CXCR4: variants seen among roughly 807,000 people sequenced by gnomAD.
The protein encoded by CXCR4 is C-X-C motif chemokine receptor 4.
In CXCR4, 6 loss-of-function variants were observed where a neutral mutation model predicts 22.4. The observed-to-expected ratio is 0.27, with a 90% CI of 0.15 to 0.53. CXCR4 has a LOEUF of 0.53. Among genes scored for constraint, CXCR4 ranks in the 20% least tolerant of loss-of-function variants. The pLI is 0.96. For synonymous variants in CXCR4, 155 were observed against 171.7 expected (o/e 0.90, Z 0.76); for missense variants, 300 against 430.4 (o/e 0.70, Z 2.68).
chr2:136,117,212 G>A (rs538054863), intron 1 of CXCR4, among the ~76,000 whole-genome samples: 16 of 152,136 alleles, frequency 1.1e-4, no homozygotes, highest in Middle Eastern at 3.4e-3. Flanking sequence ...TCCTATCCCC[G>A]GAGCGCAAAT....
chr2:136,117,994 T>G, intron 1 of CXCR4, 52 bp downstream of exon 1: 1 of 1,598,536 alleles, frequency 6.3e-7, no homozygotes, highest in Non-Finnish European at 8.6e-7. Context: ...GGCTGCGCTC[T>G]AAGTTCAAAC....
Position 136,115,154 on chromosome 2 carries a change from C to G in CXCR4, c.774G>C (p.Gly258=). Residue 258 remains glycine, a synonymous_variant, in exon 2 of 2, where the codon GGG becomes GGC. Coordinates refer to ENST00000241393, the MANE Select transcript of CXCR4 (RefSeq NM_003467.3). This position sits in a 1 kb window ranked among gnomAD's most constrained non-coding sequence, Gnocchi z 6.4. ...GGAGGATGAAGGAGTCGATGCTGATCCCAATGTAGTAAGGCAGCCAACAGG... is the reference window on the plus strand; with the variant it reads ...GGAGGATGAAGGAGTCGATGCTGATGCCAATGTAGTAAGGCAGCCAACAGG... ...FFACWLPYYI[G]ISIDSFILLE... is the part of the protein sequence containing the mutation. The G allele has an allele frequency of 6.2e-7, 1 of 1,614,160 alleles. No homozygotes were observed. Among genetic ancestry groups the G allele is most frequent in the Non-Finnish European group, 8.5e-7 (1 of 1,180,040 alleles).
chr2:136,116,310 T>C, intron 1 of CXCR4: 1 of 965,720 alleles, frequency 1.0e-6, no homozygotes, highest in Non-Finnish European at 1.3e-6. Context: ...GGGGGTGGGG[T>C]GGGTGCTGCT....
At chr2:136,117,941 G>A (rs1368779170) in intron 1 of CXCR4, 105 bp downstream of exon 1, 47 of 953,130 alleles carry the variant, frequency 4.9e-5, no homozygotes, top group African/African-American at 3.4e-4. Flanking sequence ...TTTGGAGTAC[G>A]GGTACCTCCA....
Position 136,114,777 on chromosome 2 carries a change from C to T in CXCR4, c.*92G>A. 8.8e-7 allele frequency: 1 copy of T among 1,131,934 alleles called. No homozygotes were observed. The highest frequency in any genetic ancestry group is 1.6e-5 in the African/African-American group (1 of 63,272). The allele number at this position is 1,131,934 out of a possible 1,614,324, so 70.1% of individuals were successfully genotyped here. The stretch of plus-strand genomic sequence containing the variant: ...ACAAAAATCCAACAAGCAATAAAAA[C>T]TGTACAATATTGGTCAGTCTTTTAT... On this transcript the variant is annotated 3_prime_UTR_variant, in exon 2 of 2. Coordinates refer to ENST00000241393, the MANE Select transcript of CXCR4 (RefSeq NM_003467.3).
chr2:136,117,935 G>C, intron 1 of CXCR4, 111 bp downstream of exon 1: 2 of 756,560 alleles, frequency 2.6e-6, no homozygotes, highest in Middle Eastern at 3.2e-4. Context: ...CCCTTTTTTG[G>C]AGTACGGGTA....
intron 1 of CXCR4, chr2:136,116,257 G>A: frequency 2.7e-6 from 3 of 1,095,394 alleles, no homozygotes; most frequent in South Asian, 4.4e-5. Context: ...TCCTTAGGAG[G>A]AAAAAAAAAA....
chr2:136,115,521 AGGTAGC>A lies in CXCR4; in HGVS notation c.401_406del (p.Arg134_Tyr135del). ...ACTGTTGGTGGCGTGGACGATGGCC[AGGTAGC>A]GGTCCAGACTGATGAAGGCCAGGAT... On this transcript the variant is annotated inframe_deletion, in exon 2 of 2. Coordinates refer to ENST00000241393, the MANE Select transcript of CXCR4 (RefSeq NM_003467.3). The surrounding 1 kb of genome is among the most constrained non-coding windows in gnomAD (Gnocchi z 6.4). The A allele has an allele frequency of 1.2e-6, 2 of 1,614,194 alleles. No homozygotes were observed. The highest frequency in any genetic ancestry group is 1.7e-6 in the Non-Finnish European group (2 of 1,180,022).
Position 136,114,738 on chromosome 2 carries a change from TA to T in CXCR4, c.*130del. 2.4e-6 allele frequency: 2 copies of T among 845,220 alleles called. No individual in the cohort carries two copies. Among genetic ancestry groups the T allele is most frequent in the Non-Finnish European group, 3.6e-6 (2 of 552,024 alleles). The allele number at this position is 845,220 out of a possible 1,614,324, so 52.4% of individuals were successfully genotyped here. On this transcript the variant is annotated 3_prime_UTR_variant, in exon 2 of 2. Coordinates refer to ENST00000241393, the MANE Select transcript of CXCR4 (RefSeq NM_003467.3). Reference sequence around the variant, plus strand: ...TAAGTCAATTAAACTTCACAAAAACTAAAGAAACACAAGACAAAAATCCAAC... The same window carrying T: ...TAAGTCAATTAAACTTCACAAAAACTAAGAAACACAAGACAAAAATCCAAC...
chr2:136,115,424 A>T lies in CXCR4; in HGVS notation c.504T>A (p.Thr168=), dbSNP rs2104917313. ...CGTTGGCAAAGATGAAGTCGGGAAT[A>T]GTCAGCAGGAGGGCAGGGATCCAGA... ...VGVWIPALLL[T]IPDFIFANVS... is the part of the protein sequence containing the mutation. Residue 168 remains threonine, a synonymous_variant, in exon 2 of 2, where the codon ACT becomes ACA. Coordinates refer to ENST00000241393, the MANE Select transcript of CXCR4 (RefSeq NM_003467.3). The surrounding 1 kb of genome is among the most constrained non-coding windows in gnomAD (Gnocchi z 6.4). The T allele has an allele frequency of 6.2e-7, 1 of 1,614,224 alleles. No homozygotes were observed. The highest frequency in any genetic ancestry group is 8.5e-7 in the Non-Finnish European group (1 of 1,180,034).
Position 136,115,936 on chromosome 2 carries a change from A to ACATTCACTTCC in CXCR4, c.16-35_16-25dup, listed in dbSNP as rs1186182929. On this transcript the variant is annotated intron_variant, in intron 1 of 1. Coordinates refer to ENST00000241393, the MANE Select transcript of CXCR4 (RefSeq NM_003467.3). This position sits in a 1 kb window ranked among gnomAD's most constrained non-coding sequence, Gnocchi z 6.4. Reference sequence around the variant, plus strand: ...ATCTGCAAAAGAGGCAAAGGAATGGACATTCACTTCCAATTCAGCAAGCAT... The same window carrying ACATTCACTTCC: ...ATCTGCAAAAGAGGCAAAGGAATGGACATTCACTTCCCATTCACTTCCAATTCAGCAAGCAT... The ACATTCACTTCC allele has an allele frequency of 6.2e-7, 1 of 1,614,068 alleles. No homozygotes were observed. Among genetic ancestry groups the ACATTCACTTCC allele is most frequent in the African/African-American group, 1.3e-5 (1 of 74,928 alleles).
In CXCR4 at chr2:136,115,529, G is replaced by A. The variant is rs1684861118; in HGVS notation, c.399C>T (p.Asp133=). 2 of 1,614,018 alleles carry A rather than the reference G, an allele frequency of 1.2e-6. No homozygotes were observed. Among genetic ancestry groups the A allele is most frequent in the African/African-American group, 1.3e-5 (1 of 74,912 alleles). ...SVLILAFISL[D]RYLAIVHATN... ...TGGCGTGGACGATGGCCAGGTAGCG[G>A]TCCAGACTGATGAAGGCCAGGATGA... The change falls in exon 2 of 2, where the codon GAC becomes GAT. Residue 133 remains aspartate (D), a synonymous_variant. Transcript: ENST00000241393. This position sits in a 1 kb window ranked among gnomAD's most constrained non-coding sequence, Gnocchi z 6.4.
At position 136,115,653 on chromosome 2, in the gene CXCR4, G is replaced by A. The variant is rs2104918005; in HGVS notation, c.275C>T (p.Pro92Leu). The A allele has an allele frequency of 6.2e-7, 1 of 1,614,222 alleles. No homozygotes were observed. The highest frequency in any genetic ancestry group is 8.5e-7 in the Non-Finnish European group (1 of 1,180,042). Residue 92 changes from proline to leucine, a missense_variant, in exon 2 of 2, where the codon CCC (proline) becomes CTC (leucine). This residue lies in a region of CXCR4 where 118 missense variants were observed against 188.2 expected (regional missense o/e 0.63). Transcript: ENST00000241393. This position sits in a 1 kb window ranked among gnomAD's most constrained non-coding sequence, Gnocchi z 6.4. ...VADLLFVITL[P>L]FWAVDAVANW... ...TGCCACGGCATCAACTGCCCAGAAG[G>A]GAAGCGTGATGACAAAGAGGAGGTC...
Position 136,115,527 on chromosome 2 carries a change from C to T in CXCR4, c.401G>A (p.Arg134His). 1 of 1,613,996 alleles carries T rather than the reference C, an allele frequency of 6.2e-7. No individual in the cohort carries two copies. The highest frequency in any genetic ancestry group is 8.5e-7 in the Non-Finnish European group (1 of 1,179,982). The stretch of plus-strand genomic sequence containing the variant: ...GGTGGCGTGGACGATGGCCAGGTAG[C>T]GGTCCAGACTGATGAAGGCCAGGAT... ...VLILAFISLD[R>H]YLAIVHATNS... Residue 134 changes from arginine (R) to histidine (H), a missense_variant, in exon 2 of 2, where the codon CGC (arginine) becomes CAC (histidine). By Grantham distance (29) the Arg-to-His change is conservative. Around this residue, in one of 3 missense-constraint regions of CXCR4, gnomAD observed 118 missense variants for 188.2 expected, o/e 0.63. Transcript: ENST00000241393. This position sits in a 1 kb window ranked among gnomAD's most constrained non-coding sequence, Gnocchi z 6.4.
At position 136,115,180 on chromosome 2, in the gene CXCR4, C is replaced by T. The variant is rs771851938; in HGVS notation, c.748G>A (p.Ala250Thr). ...TTVILILAFF[A>T]CWLPYYIGIS... ...CCAATGTAGTAAGGCAGCCAACAGG[C>T]GAAGAAAGCCAGGATGAGGATGACT... Residue 250 changes from alanine to threonine, a missense_variant, in exon 2 of 2, where the codon GCC (alanine) becomes ACC (threonine). Ala to Thr is a moderately conservative substitution (Grantham distance 58). Transcript: ENST00000241393. The surrounding 1 kb of genome is among the most constrained non-coding windows in gnomAD (Gnocchi z 6.4). 143 of 1,614,008 alleles carry T rather than the reference C, an allele frequency of 8.9e-5. No individual in the cohort carries two copies. Among genetic ancestry groups the T allele is most frequent in the Non-Finnish European group, 1.1e-4 (134 of 1,180,028 alleles).
chr2:136,117,972 C>T, intron 1 of CXCR4, 74 bp downstream of exon 1: 2 of 1,524,708 alleles, frequency 1.3e-6, no homozygotes, highest in Admixed American at 1.7e-5. Context: ...CGCTTCTGCC[C>T]GCTCGGAGAG....
chr2:136,117,942 G>C, intron 1 of CXCR4, 104 bp downstream of exon 1: 1 of 1,035,498 alleles, frequency 9.7e-7, no homozygotes, highest in Non-Finnish European at 1.4e-6. Flanking sequence ...TTGGAGTACG[G>C]GTACCTCCAA....
At position 136,114,776 on chromosome 2, in the gene CXCR4, A is replaced by G; in HGVS notation, c.*93T>C. ...GACAAAAATCCAACAAGCAATAAAA[A>G]CTGTACAATATTGGTCAGTCTTTTA... On this transcript the variant is annotated 3_prime_UTR_variant, in exon 2 of 2. Transcript: ENST00000241393. 3 of 1,126,636 alleles carry G rather than the reference A, an allele frequency of 2.7e-6. No homozygotes were observed. The highest frequency in any genetic ancestry group is 3.8e-6 in the Non-Finnish European group (3 of 784,482). 69.8% of individuals were successfully genotyped at this position (1,126,636 alleles called of 1,614,324 possible). A position where few individuals can be genotyped will look rare whatever the true frequency, so the allele number is the denominator to read the frequency against.
rs2104917181 is a variant in CXCR4 at position 136,115,405 on chromosome 2, C to T, written c.523G>A (p.Ala175Thr). Residue 175 changes from alanine (A) to threonine (T), a missense_variant, in exon 2 of 2, where the codon GCC becomes ACC. Around this residue, in one of 3 missense-constraint regions of CXCR4, gnomAD observed 137 missense variants for 153.2 expected, o/e 0.89. Coordinates refer to ENST00000241393, the MANE Select transcript of CXCR4 (RefSeq NM_003467.3). This position sits in a 1 kb window ranked among gnomAD's most constrained non-coding sequence, Gnocchi z 6.4. ...LLLTIPDFIF[A>T]NVSEADDRYI... is the part of the protein sequence containing the mutation. Reference sequence around the variant, plus strand: ...CTGTCATCTGCCTCACTGACGTTGGCAAAGATGAAGTCGGGAATAGTCAGC... The same window carrying T: ...CTGTCATCTGCCTCACTGACGTTGGTAAAGATGAAGTCGGGAATAGTCAGC... 1.2e-6 allele frequency: 2 copies of T among 1,614,166 alleles called. No homozygotes were observed. Among genetic ancestry groups the T allele is most frequent in the East Asian group, 2.2e-5 (1 of 44,882 alleles).
Sources: allele counts gnomAD v4.1 joint callset (sites outside exome capture counted in the v4.1 genomes callset), GRCh38; gene constraint gnomAD v4.1.1; regional missense constraint gnomAD v4.1.1; non-coding constraint Gnocchi (gnomAD v3.1); transcripts MANE v1.5; gene names NCBI Gene and HGNC (gene_info 2026-07-23, HGNC 2026-07-21).